Variants in PPM1E observed in about 807,000 individuals in gnomAD.
The protein encoded by PPM1E is protein phosphatase 1E.
A neutral mutation model predicts 65.9 loss-of-function variants in PPM1E; 20 were observed. The observed-to-expected ratio is 0.30, with a 90% CI of 0.21 to 0.44. PPM1E has a LOEUF of 0.44. Ranked by LOEUF, PPM1E falls within the 20% of genes least tolerant of loss-of-function variation. PPM1E has a pLI of 1.00. For missense variants in PPM1E, 713 were observed against 953.1 expected, an observed-to-expected ratio of 0.75 and a Z score of 3.32; for synonymous variants, 352 against 374.9, an observed-to-expected ratio of 0.94 and a Z score of 0.70.
At chr17:58,767,720 G>A (rs969836227) in intron 1 of PPM1E, among the ~76,000 whole-genome samples, 1 of 152,050 alleles carries the variant, frequency 6.6e-6, no homozygotes, top group Non-Finnish European at 1.5e-5. Flanking sequence ...TCAGCTCACC[G>A]CAACCTCCGC....
intron 1 of PPM1E, among the ~76,000 whole-genome samples, chr17:58,802,361 T>C (rs963495370): frequency 2.0e-5 from 3 of 152,168 alleles, no homozygotes; most frequent in Non-Finnish European, 4.4e-5. Context: ...GGTTTCTTTC[T>C]GGGCTTTCTA....
At chr17:58,840,915 G>A (rs2050711445) in intron 1 of PPM1E, among the ~76,000 whole-genome samples, 1 of 152,158 alleles carries the variant, frequency 6.6e-6, no homozygotes, top group Non-Finnish European at 1.5e-5. Context: ...GAAGCATTGG[G>A]CAGCACAGCA....
intron 6 of PPM1E, among the ~76,000 whole-genome samples, chr17:58,973,884 G>A (rs563924680): frequency 1.3e-5 from 2 of 151,252 alleles, no homozygotes; most frequent in African/African-American, 2.4e-5. Flanking sequence ...TCTGGGAGGC[G>A]GAGGTTGCAG....
intron 1 of PPM1E, among the ~76,000 whole-genome samples, chr17:58,779,233 T>A (rs4793957): frequency 0.35 from 50,906 of 147,452 alleles, 9,527 homozygotes; most frequent in East Asian, 0.51. Context: ...TGGAGTGCAA[T>A]GGTGCGATCT....
At chr17:58,871,702 C>T (rs1479207047) in intron 1 of PPM1E, among the ~76,000 whole-genome samples, 1 of 151,676 alleles carries the variant, frequency 6.6e-6, no homozygotes, top group African/African-American at 2.4e-5. Flanking sequence ...TGTAGTTCCA[C>T]CTATTTGGGA....
intron 1 of PPM1E, among the ~76,000 whole-genome samples, chr17:58,897,542 T>G (rs2051437708): frequency 6.6e-6 from 1 of 152,216 alleles, no homozygotes; most frequent in Non-Finnish European, 1.5e-5. Flanking sequence ...ACATCCCCAT[T>G]CTGCAGACCA....
rs1192387932 is a variant in PPM1E at position 58,826,216 on chromosome 17, G to A, written c.464+69755G>A. 2.7e-5 allele frequency among the ~76,000 whole-genome samples: 4 copies of A among 150,332 alleles called. No individual in the cohort carries two copies. In the East Asian group the frequency reaches 7.9e-4, roughly 30 times the overall value. On this transcript the variant is annotated intron_variant, in intron 1 of 6. Transcript: ENST00000308249. ...GAGGCTGAGGCAGGGAGAATTGCTT[G>A]AACCTAGGAGGCAGAGGTTGCAGTG...
At chr17:58,925,521 A>G (rs2051813272) in intron 1 of PPM1E, among the ~76,000 whole-genome samples, 1 of 151,802 alleles carries the variant, frequency 6.6e-6, no homozygotes, top group Non-Finnish European at 1.5e-5. Flanking sequence ...GCTCACTGCA[A>G]GGTCCGCCTC....
At chr17:58,768,596 A>G (rs2049905514) in intron 1 of PPM1E, among the ~76,000 whole-genome samples, 1 of 152,196 alleles carries the variant, frequency 6.6e-6, no homozygotes, top group Admixed American at 6.6e-5. Flanking sequence ...TTTGCACCAA[A>G]TATTTCTCTA....
At chr17:58,841,168 A>G (rs185555673) in intron 1 of PPM1E, among the ~76,000 whole-genome samples, 20 of 152,360 alleles carry the variant, frequency 1.3e-4, no homozygotes, top group African/African-American at 4.6e-4. Context: ...AAATTAATAA[A>G]TGGAAGTGAA....
At chr17:58,946,686 C>T (rs1274272948) in intron 1 of PPM1E, among the ~76,000 whole-genome samples, 5 of 152,094 alleles carry the variant, frequency 3.3e-5, no homozygotes, top group Middle Eastern at 3.4e-3. Flanking sequence ...AAACTCCTGG[C>T]CCCAACCTTA....
chr17:58,884,262 C>G (rs1347345930), intron 1 of PPM1E, among the ~76,000 whole-genome samples: 5 of 152,242 alleles, frequency 3.3e-5, no homozygotes, highest in African/African-American at 1.2e-4. Context: ...CCCAACTTAC[C>G]CCCAGTTCCA....
At chr17:58,774,901 G>A (rs2049978743) in intron 1 of PPM1E, among the ~76,000 whole-genome samples, 1 of 151,560 alleles carries the variant, frequency 6.6e-6, no homozygotes, top group Non-Finnish European at 1.5e-5. Context: ...TCTCCAGGCT[G>A]GAGTGCAGTG....
intron 1 of PPM1E, among the ~76,000 whole-genome samples, chr17:58,908,488 G>A (rs2051585448): frequency 6.6e-6 from 1 of 151,580 alleles, no homozygotes; most frequent in Non-Finnish European, 1.5e-5. Context: ...TGCCCAAGCA[G>A]GAGTGCAATC....
intron 1 of PPM1E, among the ~76,000 whole-genome samples, chr17:58,927,374 C>A (rs939114655): frequency 2.6e-4 from 40 of 151,916 alleles, no homozygotes; most frequent in African/African-American, 9.4e-4. Flanking sequence ...TCATGATCTG[C>A]CCGCCTTGGC....
At chr17:58,883,480 G>A (rs1276336291) in intron 1 of PPM1E, among the ~76,000 whole-genome samples, 1 of 124,024 alleles carries the variant, frequency 8.1e-6, no homozygotes, top group African/African-American at 3.0e-5. Flanking sequence ...TTCGCTGCCT[G>A]TTCTTTTTTT....
chr17:58,951,183 G>C (rs926714495), intron 1 of PPM1E: 1 of 151,940 alleles, frequency 6.6e-6, no homozygotes, highest in Non-Finnish European at 1.5e-5. Context: ...TGATTATTTT[G>C]AGCCACATGT....
Position 58,896,441 on chromosome 17 carries a change from C to T in PPM1E, c.465-59208C>T, listed in dbSNP as rs150948465. Reference sequence around the variant, plus strand: ...CTCTACTGAAAATACAAAAATTAGCCGGGCATGGTGGTGCATGCCTGTAGT... The same window carrying T: ...CTCTACTGAAAATACAAAAATTAGCTGGGCATGGTGGTGCATGCCTGTAGT... On this transcript the variant is annotated intron_variant, in intron 1 of 6. Coordinates refer to ENST00000308249, the MANE Select transcript of PPM1E (RefSeq NM_014906.5). Among the ~76,000 whole-genome samples the T allele has an allele frequency of 3.5e-3, 530 of 151,270 alleles. 10 individuals are homozygous for T. Among genetic ancestry groups the T allele is most frequent in the Admixed American group, 0.026 (389 of 15,200 alleles).
At chr17:58,836,581 C>T (rs2050659157) in intron 1 of PPM1E, among the ~76,000 whole-genome samples, 1 of 151,192 alleles carries the variant, frequency 6.6e-6, no homozygotes, top group Non-Finnish European at 1.5e-5. Flanking sequence ...TCTTTTGCCT[C>T]AGCCTCCTGA....
Sources: allele counts gnomAD v4.1 joint callset (sites outside exome capture counted in the v4.1 genomes callset), GRCh38; gene constraint gnomAD v4.1.1; transcripts MANE v1.5; gene names NCBI Gene and HGNC (gene_info 2026-07-23, HGNC 2026-07-21).